The following USO1 variants were observed in gnomAD, a reference collection of about 807,000 sequenced individuals.
USO1 encodes the protein USO1 vesicle transport factor.
In USO1, 57 loss-of-function variants were observed where a neutral mutation model predicts 124.5. The ratio of observed to expected loss-of-function variants is 0.46; its 90% CI spans 0.37 to 0.57. The LOEUF (loss-of-function observed/expected upper bound fraction) is 0.57, where lower values mean the gene tolerates loss of function less well. USO1 is among the 20% of genes least tolerant of loss of function. USO1 has a pLI of 0.00. For synonymous variants in USO1, 369 were observed against 362.8 expected, an observed-to-expected ratio of 1.02 and a Z score of -0.19; for missense variants, 900 against 1,040.6, an observed-to-expected ratio of 0.86 and a Z score of 1.86.
chr4:75,770,465 G>T lies in USO1; in HGVS notation c.322G>T (p.Asp108Tyr), dbSNP rs750335855. The change falls in exon 5 of 24, where the codon GAT becomes TAT. Residue 108 changes from aspartate to tyrosine, a missense_variant. This residue lies in a region of USO1 where 538 missense variants were observed against 681.6 expected (regional missense o/e 0.79). Transcript: ENST00000514213. ...AGAAAATTCCACAAGACAGAGTGAA[G>T]ATTTGGGAAGCCAATTTACAGAAAT... Reference protein sequence around the residue: ...VEENSTRQSEDLGSQFTEIFI... With the variant: ...VEENSTRQSEYLGSQFTEIFI... 1.3e-6 allele frequency: 2 copies of T among 1,589,408 alleles called. No individual in the cohort carries two copies. The highest frequency in any genetic ancestry group is 1.7e-5 in the Admixed American group (1 of 57,300).
At chr4:75,782,585 T>A in intron 8 of USO1, 95 bp from the exon 9 acceptor site, 1 of 1,436,936 alleles carries the variant, frequency 7.0e-7, no homozygotes, top group East Asian at 2.5e-5. Flanking sequence ...ATTGAAGAGA[T>A]GCTGAGCATG....
At chr4:75,768,006 T>A (rs534391597) in intron 4 of USO1, among the ~76,000 whole-genome samples, 1 of 152,100 alleles carries the variant, frequency 6.6e-6, no homozygotes, top group African/African-American at 2.4e-5. Flanking sequence ...AGGTCTTCTT[T>A]AATTTCTTTT....
chr4:75,767,058 T>C (rs1721785579), intron 4 of USO1, among the ~76,000 whole-genome samples: 1 of 152,242 alleles, frequency 6.6e-6, no homozygotes, highest in African/African-American at 2.4e-5. Flanking sequence ...TTTGTCAGTC[T>C]GCGAAGTCTC....
intron 16 of USO1, 136 bp downstream of exon 16, chr4:75,800,935 T>C (rs1722831824): frequency 2.8e-6 from 4 of 1,412,720 alleles, no homozygotes; most frequent in Non-Finnish European, 3.8e-6. Context: ...CTGTAGCCCA[T>C]TGAAGGACAT....
intron 12 of USO1, among the ~76,000 whole-genome samples, chr4:75,791,275 A>T (rs776390604): frequency 1.3e-5 from 2 of 152,214 alleles, no homozygotes; most frequent in Non-Finnish European, 2.9e-5. Context: ...CGTAATCCCA[A>T]CATTTTGGGA....
intron 1 of USO1, among the ~76,000 whole-genome samples, chr4:75,748,366 T>C (rs7680729): frequency 0.094 from 14,244 of 151,518 alleles, 888 homozygotes; most frequent in South Asian, 0.2. Context: ...TTTGTTGTAG[T>C]TTAGTAGGGA....
intron 1 of USO1, among the ~76,000 whole-genome samples, chr4:75,752,151 A>T (rs1721311507): frequency 6.6e-6 from 1 of 152,068 alleles, no homozygotes; most frequent in African/African-American, 2.4e-5. Flanking sequence ...ATTTATTTTG[A>T]CTTCTCTTTC....
At chr4:75,731,593 A>C (rs1171015071) in intron 1 of USO1, among the ~76,000 whole-genome samples, 2 of 152,210 alleles carry the variant, frequency 1.3e-5, no homozygotes, top group African/African-American at 4.8e-5. Flanking sequence ...TTGTAATCTA[A>C]AACAATAATA....
intron 4 of USO1, among the ~76,000 whole-genome samples, chr4:75,757,782 G>A (rs914416397): frequency 1.3e-5 from 2 of 152,062 alleles, no homozygotes; most frequent in Admixed American, 1.3e-4. Flanking sequence ...ATTATAGTGA[G>A]ATGGAATAAG....
chr4:75,759,591 C>A (rs1418720200), intron 4 of USO1, among the ~76,000 whole-genome samples: 2 of 137,882 alleles, frequency 1.5e-5, no homozygotes, highest in Non-Finnish European at 3.1e-5. Flanking sequence ...GAGACTCTGT[C>A]TCAAAAAAAA....
chr4:75,808,626 C>T (rs894227299), intron 20 of USO1, among the ~76,000 whole-genome samples: 2 of 152,016 alleles, frequency 1.3e-5, no homozygotes, highest in Admixed American at 1.3e-4. Flanking sequence ...TCTCAAAATT[C>T]CCCAATTATA....
At chr4:75,726,410 A>G (rs568154327) in intron 1 of USO1, among the ~76,000 whole-genome samples, 136 of 152,272 alleles carry the variant, frequency 8.9e-4, no homozygotes, top group African/African-American at 3.0e-3. Flanking sequence ...CTGTATTTCA[A>G]TACTTTTTGG....
Position 75,735,954 on chromosome 4 carries a change from G to C in USO1, c.66+11069G>C, listed in dbSNP as rs560542948. Among the ~76,000 whole-genome samples, 4 of 151,826 alleles carry C rather than the reference G, an allele frequency of 2.6e-5. No homozygotes were observed. In the South Asian group the frequency reaches 8.3e-4, roughly 32 times the overall value. ...CTAGCAAAAAATGTTTTTTTTAATT[G>C]ACCAGTTGTTAGACTATAATTCTGA... On this transcript the variant is annotated intron_variant, in intron 1 of 23. Transcript: ENST00000514213.
In USO1 at chr4:75,771,278, A is replaced by G. The variant is rs1156836897; in HGVS notation, c.555+141A>G. 3 of 983,798 alleles carry G rather than the reference A, an allele frequency of 3.0e-6. No homozygotes were observed. The East Asian group carries it at 8.1e-5, about 27-fold the overall frequency. The allele number at this position is 983,798 out of a possible 1,614,324, so 60.9% of individuals were successfully genotyped here. A position where few individuals can be genotyped will look rare whatever the true frequency, so the allele number is the denominator to read the frequency against. ...TTTTTTAAAAAAATTAAAAATTAGT[A>G]AACAGAGATGGGGGTCTCTCTATGT... On this transcript the variant is annotated intron_variant, in intron 7 of 23. Transcript: ENST00000514213.
In USO1 at chr4:75,733,935, A is replaced by ATTT. The variant is rs869308522; in HGVS notation, c.66+9074_66+9076dup. ...GATATCTCCTAGATTTTCTTCGAGG[A>ATTT]TTTTTTTTTTTTTTTTTTTTTTTTT... On this transcript the variant is annotated intron_variant, in intron 1 of 23. Transcript: ENST00000514213. Among the ~76,000 whole-genome samples the ATTT allele has an allele frequency of 7.4e-4, 57 of 77,086 alleles. 2 individuals are homozygous for ATTT. The highest frequency in any genetic ancestry group is 2.6e-3 in the African/African-American group (55 of 21,404). The allele number at this position is 77,086 out of a possible 152,430, so 50.6% of individuals were successfully genotyped here. A position where few individuals can be genotyped will look rare whatever the true frequency, so the allele number is the denominator to read the frequency against.
At chr4:75,735,731 G>A (rs1341288769) in intron 1 of USO1, among the ~76,000 whole-genome samples, 1 of 152,062 alleles carries the variant, frequency 6.6e-6, no homozygotes, top group African/African-American at 2.4e-5. Context: ...ATGTTGCCCA[G>A]GCTGGTCTTG....
chr4:75,744,030 C>A (rs532271719), intron 1 of USO1, among the ~76,000 whole-genome samples: 1 of 152,300 alleles, frequency 6.6e-6, no homozygotes, highest in Admixed American at 6.5e-5. Flanking sequence ...CCCGCCATGG[C>A]CTCCCAAAGT....
chr4:75,739,806 G>A (rs1399158744), intron 1 of USO1, among the ~76,000 whole-genome samples: 1 of 151,972 alleles, frequency 6.6e-6, no homozygotes, highest in Non-Finnish European at 1.5e-5. Flanking sequence ...GCTTCCCAAA[G>A]TGCTGGGATT....
At chr4:75,795,943 TG>T (rs1722665147) in intron 13 of USO1, among the ~76,000 whole-genome samples, 1 of 152,026 alleles carries the variant, frequency 6.6e-6, no homozygotes, top group Admixed American at 6.6e-5. Context: ...TGTTTTGTTT[TG>T]TTTTGTGTGA....
Sources: gnomAD v4.1 joint callset for allele counts (sites outside exome capture counted in the v4.1 genomes callset) on GRCh38, gnomAD v4.1.1 for gene constraint, gnomAD v4.1.1 regional missense constraint, MANE v1.5 for transcripts, NCBI Gene and HGNC (gene_info 2026-07-23, HGNC 2026-07-21) for gene names.